Variants in DAB1 observed in about 807,000 individuals in gnomAD.
DAB1 encodes DAB adaptor protein 1, also known as disabled homolog 1.
In DAB1, 15 loss-of-function variants were observed where a neutral mutation model predicts 64.6. That is an observed-to-expected ratio of 0.23 (90% CI 0.16 to 0.36). The LOEUF is 0.36. Ranked by LOEUF, DAB1 falls within the 10% of genes least tolerant of loss-of-function variation. The probability of loss-of-function intolerance (pLI) is 1.00; values close to 1 mark genes in which losing one functional copy is unlikely to be tolerated. For synonymous variants in DAB1, 235 were observed against 251.9 expected (o/e 0.93, Z 0.64); for missense variants, 596 against 706.7 (o/e 0.84, Z 1.78).
chr1:57,320,397 T>C (rs1217087881), intron 1 of DAB1, among the ~76,000 whole-genome samples: 1 of 152,236 alleles, frequency 6.6e-6, no homozygotes, highest in African/African-American at 2.4e-5. Flanking sequence ...AATAGCCTCA[T>C]GTACATCTAC....
At position 57,027,195 on chromosome 1, in the gene DAB1, C is replaced by T. The variant is rs116529840; in HGVS notation, c.724-1152G>A. ...AAGCTTTGGGCTCTGGAAAAGGTCC[C>T]ACACTCCATGCCTGGGGGTGTGGAG... On this transcript the variant is annotated intron_variant, in intron 9 of 14. Transcript: ENST00000371236. 8.0e-3 allele frequency among the ~76,000 whole-genome samples: 1,223 copies of T among 152,264 alleles called. 21 individuals carry two copies. The highest frequency in any genetic ancestry group is 0.027 in the African/African-American group (1,140 of 41,540).
chr1:57,435,689 C>T (rs1436872769), intron 7 of DAB1, among the ~76,000 whole-genome samples: 1 of 152,146 alleles, frequency 6.6e-6, no homozygotes, highest in Non-Finnish European at 1.5e-5. Context: ...CAGTAACATG[C>T]ATGAGCTGTT....
At chr1:57,498,047 C>A (rs1170813432) in intron 7 of DAB1, among the ~76,000 whole-genome samples, 2 of 152,118 alleles carry the variant, frequency 1.3e-5, no homozygotes, top group Non-Finnish European at 2.9e-5. Flanking sequence ...ATGGATGGAT[C>A]AAGGTGCTCT....
intron 1 of DAB1, among the ~76,000 whole-genome samples, chr1:57,342,550 A>T (rs1044272611): frequency 3.9e-5 from 6 of 152,228 alleles, no homozygotes; most frequent in Admixed American, 3.3e-4. Context: ...TTTGCAGGAA[A>T]GCAATTCAAG....
chr1:58,499,221 C>T (rs1645855586), intron 3 of DAB1, among the ~76,000 whole-genome samples: 1 of 146,038 alleles, frequency 6.8e-6, no homozygotes, highest in Non-Finnish European at 1.5e-5. Context: ...ATGATTACCA[C>T]AGGCTGGGGA....
intron 4 of DAB1, among the ~76,000 whole-genome samples, chr1:58,321,865 C>A (rs1662692156): frequency 6.6e-6 from 1 of 152,266 alleles, no homozygotes; most frequent in Non-Finnish European, 1.5e-5. Context: ...GCAGAAACTT[C>A]TACAGACTTA....
chr1:57,843,903 T>C (rs188418180), intron 1 of DAB1, among the ~76,000 whole-genome samples: 2 of 152,304 alleles, frequency 1.3e-5, no homozygotes, highest in Admixed American at 6.5e-5. Context: ...ATGTGGTATA[T>C]AGAAAGAAGC....
At chr1:57,029,063 A>G (rs561518657) in intron 9 of DAB1, among the ~76,000 whole-genome samples, 29 of 152,278 alleles carry the variant, frequency 1.9e-4, no homozygotes, top group African/African-American at 6.5e-4. Context: ...CCTTCCCATC[A>G]CAGGCCTGGA....
At chr1:57,919,759 G>A (rs1310893782) in intron 5 of DAB1, among the ~76,000 whole-genome samples, 1 of 152,200 alleles carries the variant, frequency 6.6e-6, no homozygotes, top group Non-Finnish European at 1.5e-5. Context: ...TGAGTTTATG[G>A]ACAAAGCTAG....
chr1:57,705,359 T>A (rs533474240), intron 6 of DAB1, among the ~76,000 whole-genome samples: 115 of 152,288 alleles, frequency 7.6e-4, no homozygotes, highest in African/African-American at 2.2e-3. Flanking sequence ...CTGGATTTTT[T>A]AAAAATCCAT....
intron 4 of DAB1, among the ~76,000 whole-genome samples, chr1:58,188,012 G>A (rs961610285): frequency 6.6e-5 from 10 of 151,410 alleles, no homozygotes; most frequent in South Asian, 2.1e-4. Context: ...ATATTCAAGC[G>A]ATTCTCCTGC....
Position 58,280,193 on chromosome 1 carries a change from C to T in DAB1, n.309+63159G>A, listed in dbSNP as rs546253493. Among the ~76,000 whole-genome samples, 80 of 152,304 alleles carry T rather than the reference C, an allele frequency of 5.3e-4. 1 individual carries two copies. The highest frequency in any genetic ancestry group is 1.9e-3 in the African/African-American group (80 of 41,574). On this transcript the variant is annotated intron_variant and non_coding_transcript_variant, in intron 4 of 20. Transcript: ENST00000485760. ...GACCTCCTCTAAGACAGGAGGCTCC[C>T]ACCTCCTGTGAGGAGTCATCCATGT...
intron 7 of DAB1, among the ~76,000 whole-genome samples, chr1:57,433,613 A>C (rs1347725840): frequency 6.6e-6 from 1 of 152,124 alleles, no homozygotes; most frequent in African/African-American, 2.4e-5. Flanking sequence ...GGTTTCTTAG[A>C]GAGGAGACAA....
chr1:57,773,928 G>A (rs973700505), intron 6 of DAB1, among the ~76,000 whole-genome samples: 2 of 151,926 alleles, frequency 1.3e-5, no homozygotes, highest in African/African-American at 4.8e-5. Flanking sequence ...ATAAGGTATC[G>A]TAAGTCCTCC....
intron 4 of DAB1, among the ~76,000 whole-genome samples, chr1:57,092,634 T>G (rs1009744261): frequency 7.6e-6 from 1 of 132,046 alleles, no homozygotes; most frequent in African/African-American, 2.9e-5. Flanking sequence ...CCAGTCTTAA[T>G]AGCAGTGTGA....
At chr1:58,474,103 G>T in intron 3 of DAB1, 1 of 420,088 alleles carries the variant, frequency 2.4e-6, no homozygotes, top group Non-Finnish European at 4.6e-6. Flanking sequence ...GCATTCCTGT[G>T]GAGTGTGGAT....
chr1:57,605,999 A>T (rs1427097762), intron 7 of DAB1: 2 of 664,818 alleles, frequency 3.0e-6, no homozygotes, highest in Non-Finnish European at 5.6e-6. Flanking sequence ...CCTTCACCAC[A>T]AGGAGTTTTT....
At chr1:57,907,863 G>GTA (rs56931581) in intron 5 of DAB1, among the ~76,000 whole-genome samples, 84 of 147,998 alleles carry the variant, frequency 5.7e-4, no homozygotes, top group Admixed American at 1.9e-3. Context: ...GAAGGTATGT[G>GTA]TATATATATA....
intron 3 of DAB1, among the ~76,000 whole-genome samples, chr1:58,413,309 A>G (rs962674729): frequency 1.3e-5 from 2 of 152,212 alleles, no homozygotes; most frequent in African/African-American, 4.8e-5. Flanking sequence ...GCACCATGCT[A>G]GGTAATTACA....
Sources: allele counts gnomAD v4.1 joint callset (sites outside exome capture counted in the v4.1 genomes callset), GRCh38; gene constraint gnomAD v4.1.1; transcripts MANE v1.5; gene names NCBI Gene and HGNC (gene_info 2026-07-23, HGNC 2026-07-21).